The following HECW1 variants were observed in gnomAD, a reference collection of about 807,000 sequenced individuals.
HECW1 encodes E3 ubiquitin-protein ligase HECW1.
HECW1 carries 61 observed loss-of-function variants against 182.3 expected under a neutral mutation model. That is an observed-to-expected ratio of 0.33 (90% CI 0.27 to 0.41). The LOEUF is 0.41. Among genes scored for constraint, HECW1 ranks in the 10% least tolerant of loss-of-function variants. The pLI is 1.00. For missense variants in HECW1, 1,739 were observed against 2,108.9 expected, an observed-to-expected ratio of 0.82 and a Z score of 3.44; for synonymous variants, 859 against 832.6, an observed-to-expected ratio of 1.03 and a Z score of -0.55.
chr7:43,519,039 G>C (rs2080310592), intron 24 of HECW1, among the ~76,000 whole-genome samples: 1 of 152,124 alleles, frequency 6.6e-6, no homozygotes, highest in African/African-American at 2.4e-5. Context: ...CTAATATTCA[G>C]TACTTTTGTA....
Position 43,444,744 on chromosome 7 carries a change from G to T in HECW1, c.1572G>T (p.Leu524=). The T allele has an allele frequency of 6.2e-7, 1 of 1,613,736 alleles. No individual in the cohort carries two copies. The highest frequency in any genetic ancestry group is 2.2e-5 in the East Asian group (1 of 44,854). ...AGCAGGGAGAGGGCAGGCTGCAGCT[G>T]CGGGCCTCGGTGAAGAGAAAAAGCA... The part of the protein sequence containing the change: ...TLEQGEGRLQ[L]RASVKRKSRP... Residue 524 remains leucine (L), a synonymous_variant, in exon 11 of 30, where the codon CTG becomes CTT. Transcript: ENST00000395891. The surrounding 1 kb of genome is among the most constrained non-coding windows in gnomAD (Gnocchi z 4.3).
chr7:43,353,875 G>T lies in HECW1; in HGVS notation c.461-7011G>T. Among the ~76,000 whole-genome samples the T allele has an allele frequency of 1.3e-5, 2 of 152,148 alleles. 1 individual carries two copies. The highest frequency in any genetic ancestry group is 2.9e-5 in the Non-Finnish European group (2 of 68,020). ...AAAGACCACCACCCCTGGAAACTCT[G>T]AGATATAGCTCAGCCAAAGGAGACA... On this transcript the variant is annotated intron_variant, in intron 5 of 29. Transcript: ENST00000395891.
intron 7 of HECW1, among the ~76,000 whole-genome samples, chr7:43,400,881 A>G (rs1435433436): frequency 6.6e-6 from 1 of 152,172 alleles, no homozygotes; most frequent in African/African-American, 2.4e-5. Context: ...GTGCAAATCC[A>G]TCCCTTGCCA....
intron 6 of HECW1, among the ~76,000 whole-genome samples, chr7:43,370,338 A>T (rs1189987276): frequency 6.6e-6 from 1 of 152,186 alleles, no homozygotes; most frequent in Non-Finnish European, 1.5e-5. Context: ...CAAAATCCAA[A>T]CACTAACAAC....
intron 2 of HECW1, among the ~76,000 whole-genome samples, chr7:43,176,008 CAGTG>C (rs1173907634): frequency 6.6e-6 from 1 of 152,196 alleles, no homozygotes; most frequent in Non-Finnish European, 1.5e-5. Flanking sequence ...TAATTCTTCT[CAGTG>C]AGCCATGTAG....
chr7:43,327,158 G>A lies in HECW1; in HGVS notation c.460+6416G>A, dbSNP rs558112345. Among the ~76,000 whole-genome samples the A allele has an allele frequency of 4.0e-5, 6 of 151,192 alleles. No individual in the cohort carries two copies. The South Asian group carries it at 1.0e-3, about 26-fold the overall frequency. ...TGGGCCATAGGCGCTAAGCCCTTAA[G>A]AAGGTTAAGTCTACATGAGGAGACT... On this transcript the variant is annotated intron_variant, in intron 5 of 29. Coordinates refer to ENST00000395891, the MANE Select transcript of HECW1 (RefSeq NM_015052.5).
chr7:43,322,748 G>A (rs1483013163), intron 5 of HECW1, among the ~76,000 whole-genome samples: 1 of 152,218 alleles, frequency 6.6e-6, no homozygotes, highest in Non-Finnish European at 1.5e-5. Context: ...TGCATGAGTA[G>A]TGATTGTTAG....
chr7:43,419,947 T>A (rs146287428), intron 8 of HECW1, among the ~76,000 whole-genome samples: 1 of 152,162 alleles, frequency 6.6e-6, no homozygotes, highest in Non-Finnish European at 1.5e-5. Context: ...TTTGTCCCGA[T>A]TGGCTAGCAA....
At chr7:43,143,415 C>T (rs1788378690) in intron 2 of HECW1, among the ~76,000 whole-genome samples, 1 of 152,154 alleles carries the variant, frequency 6.6e-6, no homozygotes, top group Admixed American at 6.5e-5. Context: ...TCCTGAGTAG[C>T]TAGGGCTACA....
chr7:43,307,515 G>A (rs778050364), intron 3 of HECW1, among the ~76,000 whole-genome samples: 2 of 152,298 alleles, frequency 1.3e-5, no homozygotes, highest in South Asian at 2.1e-4. Flanking sequence ...TGGTGGAGTT[G>A]TAAGACATTG....
At chr7:43,306,432 G>A (rs1233481999) in intron 3 of HECW1, among the ~76,000 whole-genome samples, 1 of 151,660 alleles carries the variant, frequency 6.6e-6, no homozygotes, top group Non-Finnish European at 1.5e-5. Flanking sequence ...AAAGCCGAGT[G>A]TAGGATAGCA....
chr7:43,445,090 C>T lies in HECW1; in HGVS notation c.1918C>T (p.Leu640=). Residue 640 remains leucine, a synonymous_variant, in exon 11 of 30, where the codon CTG becomes TTG. Transcript: ENST00000395891. ...CCACTCCGGGGGCCACTTCCCCAGCCTGGCCAATGGCGCGGCCCAGGATGG... is the reference window on the plus strand; with the variant it reads ...CCACTCCGGGGGCCACTTCCCCAGCTTGGCCAATGGCGCGGCCCAGGATGG... ...PGHSGGHFPS[L]ANGAAQDGDT... 1.2e-6 allele frequency: 2 copies of T among 1,604,176 alleles called. No individual in the cohort carries two copies. Among genetic ancestry groups the T allele is most frequent in the Non-Finnish European group, 1.7e-6 (2 of 1,176,626 alleles).
chr7:43,402,389 G>GT, intron 7 of HECW1, among the ~76,000 whole-genome samples: 1 of 152,252 alleles, frequency 6.6e-6, no homozygotes, highest in South Asian at 2.1e-4. Context: ...CCCATAAGAG[G>GT]TTTGAGCATA....
chr7:43,488,484 GAA>G (rs1406096925), intron 17 of HECW1, among the ~76,000 whole-genome samples: 1 of 147,072 alleles, frequency 6.8e-6, no homozygotes, highest in Non-Finnish European at 1.5e-5. Flanking sequence ...AAGAAAGAAA[GAA>G]AGAGAAAGAA....
chr7:43,463,986 C>T (rs2077673898), intron 14 of HECW1, among the ~76,000 whole-genome samples, 187 bp downstream of exon 14: 1 of 152,162 alleles, frequency 6.6e-6, no homozygotes, highest in African/African-American at 2.4e-5. Context: ...AGCTTCCCAC[C>T]AGGAAACTTA....
intron 5 of HECW1, among the ~76,000 whole-genome samples, chr7:43,345,635 G>A (rs905303764): frequency 1.1e-4 from 16 of 151,960 alleles, no homozygotes; most frequent in Admixed American, 3.3e-4. Context: ...TTATGCCTTT[G>A]TGTCCTCATA....
chr7:43,218,654 A>G (rs1045195589), intron 2 of HECW1, among the ~76,000 whole-genome samples: 3 of 152,186 alleles, frequency 2.0e-5, no homozygotes, highest in Non-Finnish European at 4.4e-5. Context: ...TGATAAAGCC[A>G]CCCTCATCTT....
At chr7:43,309,223 A>C (rs1361600942) in intron 3 of HECW1, among the ~76,000 whole-genome samples, 1 of 152,124 alleles carries the variant, frequency 6.6e-6, no homozygotes. Context: ...TTGGTGCTGG[A>C]GCATAATTCT....
intron 2 of HECW1, among the ~76,000 whole-genome samples, chr7:43,122,896 A>C (rs564916242): frequency 6.6e-6 from 1 of 152,330 alleles, no homozygotes; most frequent in South Asian, 2.1e-4. Flanking sequence ...GTTATTTTCA[A>C]ATCATTTTCC....
Sources: gnomAD v4.1 joint callset for allele counts (sites outside exome capture counted in the v4.1 genomes callset) on GRCh38, gnomAD v4.1.1 for gene constraint, Gnocchi (gnomAD v3.1) non-coding constraint, MANE v1.5 for transcripts, NCBI Gene and HGNC (gene_info 2026-07-23, HGNC 2026-07-21) for gene names.